Variants in CENPI observed in about 807,000 individuals in gnomAD.
CENPI encodes the protein centromere protein I.
A neutral mutation model predicts 60.4 loss-of-function variants in CENPI; 4 were observed. That is an observed-to-expected ratio of 0.07 (90% CI 0.03 to 0.15). The LOEUF is 0.15. Ranked by LOEUF, CENPI falls within the 10% of genes least tolerant of loss-of-function variation. The probability of loss-of-function intolerance (pLI) is 1.00; values close to 1 mark genes in which losing one functional copy is unlikely to be tolerated. For synonymous variants in CENPI, 157 were observed against 189.4 expected (o/e 0.83, Z 1.40); for missense variants, 444 against 534.5 (o/e 0.83, Z 1.67).
At chrX:101,179,835 C>A in the CENPI span, among the ~76,000 whole-genome samples, 6 of 112,158 alleles carry the variant, frequency 5.3e-5, no homozygotes, top group Non-Finnish European at 1.1e-4. Context: ...GCCTGTTTTT[C>A]AATTCTTGTG....
At chrX:101,178,404 T>TC in the CENPI span, among the ~76,000 whole-genome samples, 25 of 73,266 alleles carry the variant, frequency 3.4e-4, no homozygotes, top group African/African-American at 1.2e-3. Flanking sequence ...TCTTCTTTTT[T>TC]TTTTTTTTTT....
chrX:101,123,742 C>T (rs990603826), intron 8 of CENPI, among the ~76,000 whole-genome samples: 14 of 109,090 alleles, frequency 1.3e-4, no homozygotes, highest in African/African-American at 4.7e-4. Context: ...CATGCACCAC[C>T]AGGCCTGGCT....
chrX:101,143,400 G>A (rs1250094982), intron 16 of CENPI, among the ~76,000 whole-genome samples: 1 of 111,768 alleles, frequency 8.9e-6, no homozygotes. Context: ...TACTGTAAGA[G>A]ACTCCATTCA....
At chrX:101,120,237 A>G (rs191226502) in intron 6 of CENPI, among the ~76,000 whole-genome samples, 165 bp from the exon 7 acceptor site, 1 of 112,048 alleles carries the variant, frequency 8.9e-6, no homozygotes, top group Admixed American at 9.6e-5. Flanking sequence ...TTGTTTTTTT[A>G]TCACTATACA....
chrX:101,116,699 A>G (rs1214075253), intron 6 of CENPI, among the ~76,000 whole-genome samples: 1 of 111,606 alleles, frequency 9.0e-6, no homozygotes, highest in Non-Finnish European at 1.9e-5. Context: ...GTGTATACCT[A>G]GGAAAAAAAT....
intron 17 of CENPI, 148 bp from the exon 18 acceptor site, chrX:101,146,005 C>A: frequency 2.4e-6 from 1 of 408,811 alleles, no homozygotes; most frequent in Admixed American, 4.4e-5. Context: ...TATTTTAAGC[C>A]AGCTTGTAGA....
At chrX:101,127,763 G>T in intron 11 of CENPI, 98 bp downstream of exon 11, 2 of 651,647 alleles carry the variant, frequency 3.1e-6, no homozygotes, top group East Asian at 3.5e-5. Flanking sequence ...TTGAGATAGG[G>T]TCTTACCTGT....
At chrX:101,102,679 G>A (rs1057221440) in intron 4 of CENPI, among the ~76,000 whole-genome samples, 2 of 103,410 alleles carry the variant, frequency 1.9e-5, no homozygotes, top group African/African-American at 7.1e-5. Flanking sequence ...ATGTTGTTTT[G>A]TTTTTTGTTT....
chrX:101,139,822 T>G (rs11092292), intron 15 of CENPI, among the ~76,000 whole-genome samples: 12,576 of 55,739 alleles, frequency 0.23, 564 homozygotes, highest in Middle Eastern at 0.29. Context: ...TATTGTATGT[T>G]TTTTTTTTTT....
the CENPI span, among the ~76,000 whole-genome samples, chrX:101,173,982 C>A: frequency 9.0e-6 from 1 of 111,714 alleles, no homozygotes; most frequent in Non-Finnish European, 1.9e-5. Flanking sequence ...GGCCAGAAAA[C>A]GTATGAAAAA....
chrX:101,170,008 AATTT>A (rs1389879631), downstream of CENPI, among the ~76,000 whole-genome samples: 1 of 112,192 alleles, frequency 8.9e-6, no homozygotes, highest in Non-Finnish European at 1.9e-5. Flanking sequence ...AGCTAAGGCT[AATTT>A]ATTGAAGAAA....
chrX:101,121,129 G>T (rs2089673664), intron 8 of CENPI, among the ~76,000 whole-genome samples: 1 of 110,788 alleles, frequency 9.0e-6, no homozygotes, highest in Non-Finnish European at 1.9e-5. Context: ...ACCCGCCTCG[G>T]CCTCCCAAGG....
intron 8 of CENPI, among the ~76,000 whole-genome samples, chrX:101,121,823 G>A (rs1257532280): frequency 3.5e-5 from 3 of 86,129 alleles, no homozygotes; most frequent in Non-Finnish European, 6.6e-5. Flanking sequence ...TTTTTTTTGA[G>A]ATGGAGTTTA....
At chrX:101,145,412 G>A (rs1352649726) in intron 17 of CENPI, among the ~76,000 whole-genome samples, 1 of 110,558 alleles carries the variant, frequency 9.0e-6, no homozygotes, top group East Asian at 2.9e-4. Context: ...TTTATTTAGG[G>A]CCAGGTACCA....
chrX:101,133,051 G>T (rs7061893), intron 15 of CENPI, among the ~76,000 whole-genome samples: 1 of 109,919 alleles, frequency 9.1e-6, no homozygotes, highest in African/African-American at 3.3e-5. Context: ...TCCTATTCTA[G>T]AAGAGGGGCA....
At chrX:101,173,170 C>T in the CENPI span, among the ~76,000 whole-genome samples, 6 of 106,880 alleles carry the variant, frequency 5.6e-5, no homozygotes, top group Non-Finnish European at 9.6e-5. Context: ...CGTGCTCCAC[C>T]ATGCCCAGCT....
At position 101,109,880 on chromosome X, in the gene CENPI, C is replaced by T. The variant is rs969857316; in HGVS notation, c.484-11C>T. ...ATTTCTTTAAAGATAAGTATTTTGT[C>T]TCTTCAATAGGTACTTTTTTATCGT... On this transcript the variant is annotated splice_polypyrimidine_tract_variant and intron_variant, in intron 5 of 21. Transcript: ENST00000682095. 18 of 1,136,945 alleles carry T rather than the reference C, an allele frequency of 1.6e-5. 1 individual carries two copies. Among genetic ancestry groups the T allele is most frequent in the Middle Eastern group, 2.5e-4 (1 of 3,972 alleles). The allele number at this position is 1,136,945 out of a possible 1,213,427, so 93.7% of individuals were successfully genotyped here.
At chrX:101,169,015 A>G (rs1038725814), downstream of CENPI, among the ~76,000 whole-genome samples, 10 of 112,485 alleles carry the variant, frequency 8.9e-5, no homozygotes, top group Middle Eastern at 9.2e-3. Context: ...GTATCTTCAA[A>G]GAAATTAAAG....
intron 10 of CENPI, 37 bp downstream of exon 10, chrX:101,127,303 C>T: frequency 9.0e-7 from 1 of 1,114,125 alleles, no homozygotes; most frequent in South Asian, 2.4e-5. Context: ...GCATGGCTTT[C>T]TTTTATTAAA....
Sources: allele counts gnomAD v4.1 joint callset (sites outside exome capture counted in the v4.1 genomes callset), GRCh38; gene constraint gnomAD v4.1.1; transcripts MANE v1.5; gene names NCBI Gene and HGNC (gene_info 2026-07-23, HGNC 2026-07-21).